Variants in KATNIP observed in about 807,000 individuals in gnomAD.
KATNIP encodes katanin interacting protein.
In KATNIP, 126 loss-of-function variants were observed where a neutral mutation model predicts 174.0. That is an observed-to-expected ratio of 0.72 (90% confidence interval 0.63 to 0.84). The LOEUF (loss-of-function observed/expected upper bound fraction) is 0.84, where lower values mean the gene tolerates loss of function less well. Among genes scored for constraint, KATNIP ranks in the 40% least tolerant of loss-of-function variants. KATNIP has a pLI of 0.00. For synonymous variants in KATNIP, 810 were observed against 835.7 expected (o/e 0.97, Z 0.53); for missense variants, 1,958 against 2,109.7 (o/e 0.93, Z 1.41).
In KATNIP at chr16:27,564,949, G is replaced by A. The variant is rs146812891; in HGVS notation, c.8-8952G>A. ...CGGCTAATTTTTTGTATTTTTGGTA[G>A]AGACAGGGTTTCACCATGTTAGCCA... On this transcript the variant is annotated intron_variant, in intron 1 of 27. Coordinates refer to ENST00000261588, the MANE Select transcript of KATNIP (RefSeq NM_015202.5). Among the ~76,000 whole-genome samples the A allele has an allele frequency of 4.5e-3, 685 of 151,866 alleles. 13 individuals are homozygous for A. The highest frequency in any genetic ancestry group is 0.016 in the African/African-American group (643 of 41,476).
intron 18 of KATNIP, among the ~76,000 whole-genome samples, chr16:27,756,243 T>G (rs964161997): frequency 6.6e-6 from 1 of 152,230 alleles, no homozygotes; most frequent in Non-Finnish European, 1.5e-5. Context: ...AGGTGCCTTA[T>G]TTGGAATTCT....
chr16:27,645,368 C>G (rs1475003885), intron 5 of KATNIP, among the ~76,000 whole-genome samples: 1 of 152,168 alleles, frequency 6.6e-6, no homozygotes, highest in South Asian at 2.1e-4. Context: ...AGATGACTTG[C>G]TCAAGGTCAC....
At chr16:27,737,883 T>C (rs2080956185) in intron 14 of KATNIP, among the ~76,000 whole-genome samples, 1 of 151,994 alleles carries the variant, frequency 6.6e-6, no homozygotes, top group Admixed American at 6.6e-5. Flanking sequence ...TAAATCAGAA[T>C]TGTCCCAGAC....
intron 6 of KATNIP, among the ~76,000 whole-genome samples, chr16:27,677,508 C>T (rs1294201503): frequency 1.3e-5 from 2 of 151,822 alleles, no homozygotes; most frequent in Admixed American, 6.6e-5. Context: ...GATACAAACA[C>T]CACAGTTAAT....
intron 1 of KATNIP, among the ~76,000 whole-genome samples, chr16:27,555,831 C>T (rs143930478): frequency 0.011 from 1,574 of 140,336 alleles, 43 homozygotes; most frequent in African/African-American, 0.039. Flanking sequence ...AGCGAAACTC[C>T]GTCTCAAAAA....
At chr16:27,591,944 C>G (rs551044346) in intron 2 of KATNIP, among the ~76,000 whole-genome samples, 3 of 152,264 alleles carry the variant, frequency 2.0e-5, no homozygotes, top group South Asian at 4.1e-4. Flanking sequence ...CTATCCGTAA[C>G]CTGAAGAAAC....
intron 1 of KATNIP, among the ~76,000 whole-genome samples, chr16:27,557,743 A>T (rs1289591094): frequency 6.6e-6 from 1 of 152,138 alleles, no homozygotes; most frequent in Non-Finnish European, 1.5e-5. Flanking sequence ...TGAATTCTTT[A>T]TATCAGAGCT....
intron 1 of KATNIP, among the ~76,000 whole-genome samples, chr16:27,553,967 G>C (rs2089501366): frequency 6.6e-6 from 1 of 150,978 alleles, no homozygotes; most frequent in African/African-American, 2.4e-5. Context: ...GAGAGCAGGG[G>C]GTGGGGTGGG....
intron 12 of KATNIP, among the ~76,000 whole-genome samples, chr16:27,706,296 TGTGCTTGCACCGACCTGTGCTGGG>T (rs1312783533): frequency 6.6e-6 from 1 of 152,188 alleles, no homozygotes; most frequent in African/African-American, 2.4e-5. Context: ...CTGTGACTGG[TGTGCTTGCACCGACCTGTGCTGGG>T]GTGCTTGCCT....
Position 27,679,596 on chromosome 16 carries a change from TA to T in KATNIP, c.808+1606del, listed in dbSNP as rs934662114. ...ACCCCATCTCTACAAAAAAATGTTT[TA>T]AAAAATTAGCCAGACGTAGTAGTGC... is the stretch of plus-strand genomic sequence containing the variant. On this transcript the variant is annotated intron_variant, in intron 7 of 27. Coordinates refer to ENST00000261588, the MANE Select transcript of KATNIP (RefSeq NM_015202.5). Among the ~76,000 whole-genome samples the T allele has an allele frequency of 1.3e-5, 2 of 151,794 alleles. 1 individual carries two copies. The highest frequency in any genetic ancestry group is 4.2e-4 in the South Asian group (2 of 4,794).
At chr16:27,572,549 T>C (rs2090347248) in intron 1 of KATNIP, among the ~76,000 whole-genome samples, 1 of 152,122 alleles carries the variant, frequency 6.6e-6, no homozygotes, top group Non-Finnish European at 1.5e-5. Context: ...TGTGTCTCCC[T>C]CTTCTCTGTC....
intron 21 of KATNIP, among the ~76,000 whole-genome samples, chr16:27,771,219 G>C (rs1313025712): frequency 6.6e-6 from 1 of 152,140 alleles, no homozygotes; most frequent in South Asian, 2.1e-4. Context: ...TCCCATCCCG[G>C]TTCTGCCACT....
chr16:27,551,852 C>A (rs1210929673), intron 1 of KATNIP, among the ~76,000 whole-genome samples: 1 of 151,968 alleles, frequency 6.6e-6, no homozygotes, highest in Non-Finnish European at 1.5e-5. Flanking sequence ...GACTCTGTCT[C>A]AAAAAAACCC....
intron 1 of KATNIP, among the ~76,000 whole-genome samples, chr16:27,568,237 C>A (rs2090160361): frequency 6.6e-6 from 1 of 152,002 alleles, no homozygotes; most frequent in South Asian, 2.1e-4. Flanking sequence ...TTACAGTGTT[C>A]AATTACATTG....
chr16:27,717,234 ATTG>A (rs112165317), intron 13 of KATNIP, among the ~76,000 whole-genome samples: 239 of 152,136 alleles, frequency 1.6e-3, no homozygotes, highest in African/African-American at 4.9e-3. Context: ...ATCCTTCCAA[ATTG>A]TTGTGTGTGT....
intron 1 of KATNIP, among the ~76,000 whole-genome samples, chr16:27,556,597 A>G (rs1188330151): frequency 1.3e-5 from 2 of 152,222 alleles, no homozygotes; most frequent in African/African-American, 2.4e-5. Flanking sequence ...ATAATTAATA[A>G]TGCCAAGATG....
intron 3 of KATNIP, among the ~76,000 whole-genome samples, chr16:27,619,774 A>G (rs547111277): frequency 2.6e-5 from 4 of 152,224 alleles, no homozygotes; most frequent in Middle Eastern, 3.4e-3. Flanking sequence ...GGAACAGACA[A>G]TCTCTCCAGG....
intron 2 of KATNIP, among the ~76,000 whole-genome samples, chr16:27,611,173 G>A (rs1298281476): frequency 6.6e-6 from 1 of 152,178 alleles, no homozygotes; most frequent in Non-Finnish European, 1.5e-5. Flanking sequence ...AGCTATTCGG[G>A]ATTTACAGAG....
In KATNIP at chr16:27,573,774, A is replaced by G. The variant is rs2090388384; in HGVS notation, c.8-127A>G. ...TTTTCCCATTATAATAATAGGCTGC[A>G]TTTTCTTAAAATCATTTGATTATGA... On this transcript the variant is annotated intron_variant, in intron 1 of 27. Transcript: ENST00000261588. 3 of 852,134 alleles carry G rather than the reference A, an allele frequency of 3.5e-6. No individual in the cohort carries two copies. In the African/African-American group the frequency reaches 5.1e-5, roughly 14 times the overall value. The allele number at this position is 852,134 out of a possible 1,614,324, so 52.8% of individuals were successfully genotyped here.
Sources: gnomAD v4.1 joint callset for allele counts (sites outside exome capture counted in the v4.1 genomes callset) on GRCh38, gnomAD v4.1.1 for gene constraint, MANE v1.5 for transcripts, NCBI Gene and HGNC (gene_info 2026-07-23, HGNC 2026-07-21) for gene names.